LRRC27: variants seen among roughly 807,000 people sequenced by gnomAD.
The protein encoded by LRRC27 is leucine-rich repeat-containing protein 27.
In LRRC27, 57 loss-of-function variants were observed where a neutral mutation model predicts 55.0. That is an observed-to-expected ratio of 1.04 (90% CI 0.84 to 1.29). LRRC27 has a LOEUF of 1.29. LRRC27 is among the 50% of genes most tolerant of loss of function. The pLI, the probability that LRRC27 is intolerant of heterozygous loss-of-function variation, is 0.00. For missense variants in LRRC27, 721 were observed against 651.5 expected (o/e 1.11, Z -1.16); for synonymous variants, 278 against 251.9 (o/e 1.10, Z -0.98).
intron 3 of LRRC27, among the ~76,000 whole-genome samples, chr10:132,339,639 C>T (rs2067306338): frequency 6.6e-6 from 1 of 152,230 alleles, no homozygotes; most frequent in African/African-American, 2.4e-5. Context: ...GGGAGGCTTC[C>T]AAGCCTGAGG....
At position 132,377,366 on chromosome 10, in the gene LRRC27, G is replaced by A. The variant is rs2069351264; in HGVS notation, c.*2124G>A. ...TTTTATTTATATCTCTTGTATTAGAGTTTTAGTAATATCTTTTAATATTAT... is the reference window on the plus strand; with the variant it reads ...TTTTATTTATATCTCTTGTATTAGAATTTTAGTAATATCTTTTAATATTAT... On this transcript the variant is annotated 3_prime_UTR_variant, in exon 11 of 11. Transcript: ENST00000368614. The A allele has an allele frequency of 6.6e-6, 1 of 152,090 alleles. No homozygotes were observed. The highest frequency in any genetic ancestry group is 2.1e-4 in the South Asian group (1 of 4,822). 9.4% of individuals were successfully genotyped at this position (152,090 alleles called of 1,614,324 possible).
Position 132,337,669 on chromosome 10 carries a change from G to A in LRRC27, c.315G>A (p.Ala105=), listed in dbSNP as rs534535968. Residue 105 remains alanine (A), a synonymous_variant, in exon 3 of 11, where the codon GCG becomes GCA. Coordinates refer to ENST00000368614, the MANE Select transcript of LRRC27 (RefSeq NM_030626.3). ...ACCTCCGGTACAATAGAATTAAAGC[G>A]CTTCCTTCTGGGATTGGAGCTCACC... is the stretch of plus-strand genomic sequence containing the variant. ...WLDLRYNRIK[A]LPSGIGAHQH... 1.5e-5 allele frequency: 25 copies of A among 1,613,924 alleles called. No homozygotes were observed. The Admixed American group carries it at 1.7e-4, about 11-fold the overall frequency.
At chr10:132,364,368 T>C (rs368474695) in intron 9 of LRRC27, among the ~76,000 whole-genome samples, 154 of 1,514 alleles carry the variant, frequency 0.1, 16 homozygotes, top group Non-Finnish European at 0.11. Flanking sequence ...CACCCGCGCT[T>C]ACACCCACCC....
At chr10:132,353,285 C>G in intron 7 of LRRC27, 1 of 1,216,074 alleles carries the variant, frequency 8.2e-7, no homozygotes, top group Non-Finnish European at 1.0e-6. Flanking sequence ...CTCTCCTTCC[C>G]TGGTCTGTCC....
chr10:132,370,281 C>T (rs746895547), intron 10 of LRRC27, among the ~76,000 whole-genome samples: 2 of 152,202 alleles, frequency 1.3e-5, no homozygotes, highest in Non-Finnish European at 2.9e-5. Context: ...CGGCTCCTGT[C>T]GTGTGCCCAA....
chr10:132,364,772 AT>A (rs2068953197), intron 9 of LRRC27, among the ~76,000 whole-genome samples: 1 of 112,480 alleles, frequency 8.9e-6, no homozygotes, highest in Non-Finnish European at 1.9e-5. Flanking sequence ...TCATGCTTAC[AT>A]CTACCTCCAC....
intron 4 of LRRC27, among the ~76,000 whole-genome samples, chr10:132,343,347 AAAAT>A (rs1376859452): frequency 3.3e-5 from 5 of 152,188 alleles, no homozygotes; most frequent in Non-Finnish European, 7.3e-5. Flanking sequence ...ACAAAAAACA[AAAAT>A]AAAAGAACAG....
chr10:132,361,671 C>A (rs2068620746), intron 9 of LRRC27, 96 bp downstream of exon 9: 1 of 880,782 alleles, frequency 1.1e-6, no homozygotes, highest in South Asian at 1.4e-5. Context: ...CACTGAGGAG[C>A]CCTGAAACTC....
At chr10:132,330,969 G>A (rs1172208550), upstream of LRRC27, among the ~76,000 whole-genome samples, 8 of 151,376 alleles carry the variant, frequency 5.3e-5, no homozygotes, top group African/African-American at 1.9e-4. Flanking sequence ...TTGGGAGGCC[G>A]AGGGGGGCGG....
rs142575543 is a variant in LRRC27 at position 132,348,146 on chromosome 10, A to G, written c.716A>G (p.Asp239Gly). The G allele has an allele frequency of 9.6e-5, 155 of 1,613,956 alleles. No individual in the cohort carries two copies. The highest frequency in any genetic ancestry group is 1.2e-5 in the Non-Finnish European group (14 of 1,180,038). The change falls in exon 6 of 11, where the codon GAC becomes GGC. Residue 239 changes from aspartate to glycine, a missense_variant. Physicochemically the swap from Asp to Gly is moderately conservative, Grantham distance 94 (BLOSUM62 -1). Coordinates refer to ENST00000368614, the MANE Select transcript of LRRC27 (RefSeq NM_030626.3). This position sits in a 1 kb window ranked among gnomAD's most constrained non-coding sequence, Gnocchi z 4.2. ...TTTCTCCCACCTGTGGAAAAGCCAGACCTGAGTGAACTCAGGAAGTCTGCG... is the reference window on the plus strand; with the variant it reads ...TTTCTCCCACCTGTGGAAAAGCCAGGCCTGAGTGAACTCAGGAAGTCTGCG... Reference protein sequence around the residue: ...ASFLPPVEKPDLSELRKSADS... With the variant: ...ASFLPPVEKPGLSELRKSADS...
Position 132,348,982 on chromosome 10 carries a change from C to T in LRRC27, c.926+626C>T. On this transcript the variant is annotated intron_variant, in intron 6 of 10. Coordinates refer to ENST00000368614, the MANE Select transcript of LRRC27 (RefSeq NM_030626.3). The surrounding 1 kb of genome is among the most constrained non-coding windows in gnomAD (Gnocchi z 4.2). ...ACCCAGGACAAGGGTCCCTAGGAAA[C>T]AGGCTCTGCAGAGACTACATGAGAG... 6.2e-7 allele frequency: 1 copy of T among 1,609,306 alleles called. No individual in the cohort carries two copies. Among genetic ancestry groups the T allele is most frequent in the Non-Finnish European group, 8.5e-7 (1 of 1,177,654 alleles).
rs2069407309 is a variant in LRRC27, at chr10:132,381,272, C to T, written c.*6030C>T. Among the ~76,000 whole-genome samples the T allele has an allele frequency of 6.6e-6, 1 of 152,244 alleles. No individual in the cohort carries two copies. Among genetic ancestry groups the T allele is most frequent in the Admixed American group, 6.5e-5 (1 of 15,290 alleles). On this transcript the variant is annotated 3_prime_UTR_variant, in exon 11 of 11. Coordinates refer to ENST00000368614, the MANE Select transcript of LRRC27 (RefSeq NM_030626.3). Reference sequence around the variant, plus strand: ...ATGCTTCCTGCCCTTGAACATCAGACTCCAAGTTCTTTAGCTTTTGGACTC... The same window carrying T: ...ATGCTTCCTGCCCTTGAACATCAGATTCCAAGTTCTTTAGCTTTTGGACTC...
chr10:132,362,377 C>T (rs1471352025), intron 9 of LRRC27, among the ~76,000 whole-genome samples: 3 of 152,138 alleles, frequency 2.0e-5, no homozygotes, highest in Middle Eastern at 6.3e-3. Context: ...GAGGCATGCA[C>T]TTGGCACTGG....
rs964814069 is a variant in LRRC27, at chr10:132,377,337, A to AT, written c.*2102dup. 5.3e-5 allele frequency: 8 copies of AT among 152,036 alleles called. No homozygotes were observed. The highest frequency in any genetic ancestry group is 1.5e-4 in the African/African-American group (6 of 41,368). The allele number at this position is 152,036 out of a possible 1,614,324, so 9.4% of individuals were successfully genotyped here. On this transcript the variant is annotated 3_prime_UTR_variant, in exon 11 of 11. Transcript: ENST00000368614. ...TTTTGCTGCTTTCTGATAGTGATCA[A>AT]TTTTTTTATTTATATCTCTTGTATT...
intron 3 of LRRC27, among the ~76,000 whole-genome samples, chr10:132,340,880 C>CA (rs35586925): frequency 0.31 from 31,061 of 99,178 alleles, 4,352 homozygotes; most frequent in Non-Finnish European, 0.4. Flanking sequence ...GACTCCATCT[C>CA]AAAAAAAAAA....
chr10:132,343,606 G>A (rs1368877316), intron 4 of LRRC27, among the ~76,000 whole-genome samples: 1 of 152,238 alleles, frequency 6.6e-6, no homozygotes, highest in East Asian at 1.9e-4. Flanking sequence ...TTTAGTCTCT[G>A]TTTTCCAACT....
chr10:132,331,857 T>C (rs1364635543), upstream of LRRC27: 3 of 1,412,042 alleles, frequency 2.1e-6, no homozygotes, highest in Admixed American at 4.2e-5. Context: ...GATGCTACCG[T>C]TGGCCGCGTG....
At chr10:132,331,476 C>G, upstream of LRRC27, 1 of 1,612,826 alleles carries the variant, frequency 6.2e-7, no homozygotes, top group Non-Finnish European at 8.5e-7. Context: ...CCAGAGGCAG[C>G]CTTACTTCTC....
At chr10:132,347,348 TG>T (rs1382652560) in intron 5 of LRRC27, among the ~76,000 whole-genome samples, 4 of 143,822 alleles carry the variant, frequency 2.8e-5, no homozygotes, top group African/African-American at 1.1e-4. Flanking sequence ...GCGTGTCCGG[TG>T]GGGCCCGTGT....
Sources: gnomAD v4.1 joint callset for allele counts (sites outside exome capture counted in the v4.1 genomes callset) on GRCh38, gnomAD v4.1.1 for gene constraint, Gnocchi (gnomAD v3.1) non-coding constraint, MANE v1.5 for transcripts, NCBI Gene and HGNC (gene_info 2026-07-23, HGNC 2026-07-21) for gene names.